The following SLC30A7 variants were observed in gnomAD, a reference collection of about 807,000 sequenced individuals.
The protein encoded by SLC30A7 is zinc transporter 7.
SLC30A7 carries 35 observed loss-of-function variants against 46.0 expected under a neutral mutation model. The ratio of observed to expected loss-of-function variants is 0.76; its 90% CI spans 0.58 to 1.01. The LOEUF is 1.01. SLC30A7 is among the 50% of genes least tolerant of loss of function. The probability of loss-of-function intolerance (pLI) is 0.00; values close to 1 mark genes in which losing one functional copy is unlikely to be tolerated. For synonymous variants in SLC30A7, 147 were observed against 157.8 expected (o/e 0.93, Z 0.51); for missense variants, 464 against 451.1 (o/e 1.03, Z -0.26).
intron 2 of SLC30A7, among the ~76,000 whole-genome samples, chr1:100,899,211 C>T (rs963289110): frequency 6.6e-6 from 1 of 152,130 alleles, no homozygotes; most frequent in Non-Finnish European, 1.5e-5. Context: ...CTTATGCAGG[C>T]ACTTCAGTAC....
chr1:100,912,280 G>A (rs749919909), intron 5 of SLC30A7, 42 bp downstream of exon 5: 3 of 1,595,158 alleles, frequency 1.9e-6, no homozygotes, highest in South Asian at 2.3e-5. Flanking sequence ...TTTCTACTAG[G>A]TTTCTGTCAT....
chr1:100,959,925 G>A (rs765694444), intron 8 of SLC30A7, among the ~76,000 whole-genome samples: 3 of 152,040 alleles, frequency 2.0e-5, no homozygotes, highest in Non-Finnish European at 2.9e-5. Context: ...TAAAAGATAC[G>A]GATATTATTG....
At chr1:100,943,980 C>T (rs923420697) in intron 8 of SLC30A7, among the ~76,000 whole-genome samples, 1 of 152,152 alleles carries the variant, frequency 6.6e-6, no homozygotes, top group Non-Finnish European at 1.5e-5. Flanking sequence ...AAGAATAAAT[C>T]AAAAGCAAAT....
intron 8 of SLC30A7, among the ~76,000 whole-genome samples, chr1:100,924,176 G>A (rs1423966370): frequency 1.3e-5 from 2 of 152,090 alleles, no homozygotes; most frequent in Non-Finnish European, 2.9e-5. Context: ...ATATTTTAAT[G>A]ACTCTTACCC....
rs551164136 is a variant in SLC30A7 at position 100,942,447 on chromosome 1, A to G, written c.843-19381A>G. Among the ~76,000 whole-genome samples the G allele has an allele frequency of 1.3e-3, 204 of 152,258 alleles. 1 individual carries two copies. The highest frequency in any genetic ancestry group is 4.5e-3 in the African/African-American group (189 of 41,554). On this transcript the variant is annotated intron_variant, in intron 8 of 10. Transcript: ENST00000357650. Reference sequence around the variant, plus strand: ...GCCATCTCTATGGAAAAAACACTCAAAGTGCTTTTTCTGTTCTCTCACCCA... The same window carrying G: ...GCCATCTCTATGGAAAAAACACTCAGAGTGCTTTTTCTGTTCTCTCACCCA...
the SLC30A7 span, chr1:100,990,249 T>C: frequency 4.6e-5 from 30 of 650,374 alleles, no homozygotes; most frequent in African/African-American, 3.6e-4. Flanking sequence ...ATCATGAGAA[T>C]AGCATGAGGG....
intron 3 of SLC30A7, among the ~76,000 whole-genome samples, chr1:100,909,815 C>T (rs1196896524): frequency 1.3e-5 from 2 of 152,052 alleles, no homozygotes; most frequent in African/African-American, 2.4e-5. Context: ...AAAAGGTTTT[C>T]AGTCAAGCAT....
At chr1:100,932,127 C>T (rs892613916) in intron 8 of SLC30A7, among the ~76,000 whole-genome samples, 2 of 152,062 alleles carry the variant, frequency 1.3e-5, no homozygotes, top group African/African-American at 4.8e-5. Context: ...TAAAAAACTG[C>T]TTAATGGCTG....
At chr1:100,972,065 T>C (rs1435765615) in intron 10 of SLC30A7, among the ~76,000 whole-genome samples, 4 of 152,172 alleles carry the variant, frequency 2.6e-5, no homozygotes, top group Non-Finnish European at 5.9e-5. Context: ...GTGAGTACTA[T>C]ATGGTTTTCA....
intron 8 of SLC30A7, among the ~76,000 whole-genome samples, chr1:100,931,687 T>A (rs1653673579): frequency 6.6e-6 from 1 of 152,208 alleles, no homozygotes; most frequent in Admixed American, 6.5e-5. Flanking sequence ...ACAGCCAACT[T>A]AAAAATACCT....
chr1:100,993,550 G>A, the SLC30A7 span, among the ~76,000 whole-genome samples: 4 of 45,590 alleles, frequency 8.8e-5, no homozygotes, highest in South Asian at 9.7e-4. Flanking sequence ...AGACTCTGTC[G>A]AAAATATAAA....
intron 8 of SLC30A7, among the ~76,000 whole-genome samples, chr1:100,950,769 C>G (rs879401677): frequency 1.3e-5 from 2 of 152,192 alleles, no homozygotes; most frequent in Non-Finnish European, 2.9e-5. Flanking sequence ...AAAGCACTCA[C>G]TATGTTGATG....
At chr1:100,987,925 T>G in the SLC30A7 span, among the ~76,000 whole-genome samples, 6 of 152,140 alleles carry the variant, frequency 3.9e-5, no homozygotes, top group African/African-American at 1.2e-4. Context: ...ACATGGCCAT[T>G]CTGGGGTTTG....
intron 8 of SLC30A7, among the ~76,000 whole-genome samples, chr1:100,958,227 A>G (rs1655335882): frequency 6.6e-6 from 1 of 151,688 alleles, no homozygotes; most frequent in Non-Finnish European, 1.5e-5. Context: ...CCCAGGCTGG[A>G]GTGCAGTGGC....
intron 8 of SLC30A7, among the ~76,000 whole-genome samples, chr1:100,954,864 C>T (rs2101075766): frequency 6.6e-6 from 1 of 152,070 alleles, no homozygotes; most frequent in East Asian, 1.9e-4. Context: ...CCATTATGGG[C>T]CAGTTTTCTT....
intron 2 of SLC30A7, among the ~76,000 whole-genome samples, chr1:100,905,134 C>A (rs1172809862): frequency 6.6e-6 from 1 of 151,960 alleles, no homozygotes; most frequent in Admixed American, 6.6e-5. Flanking sequence ...TACAATAATA[C>A]ACTTTGATTT....
chr1:100,950,081 C>T (rs1396816420), intron 8 of SLC30A7, among the ~76,000 whole-genome samples: 1 of 152,198 alleles, frequency 6.6e-6, no homozygotes, highest in Non-Finnish European at 1.5e-5. Flanking sequence ...GCAGGAATCA[C>T]CCGTCTTCTG....
rs1222246353 is a variant in SLC30A7 at position 100,979,850 on chromosome 1, C to T, written c.*4993C>T. The T allele has an allele frequency of 6.6e-6, 1 of 152,108 alleles. No homozygotes were observed. The highest frequency in any genetic ancestry group is 1.5e-5 in the Non-Finnish European group (1 of 67,986). 9.4% of individuals were successfully genotyped at this position (152,108 alleles called of 1,614,324 possible). ...TAATCAGGTGCTGACATCTGCTCTGCTTTGTGTATGTAATTCAGCAGTGCT... is the reference window on the plus strand; with the variant it reads ...TAATCAGGTGCTGACATCTGCTCTGTTTTGTGTATGTAATTCAGCAGTGCT... On this transcript the variant is annotated 3_prime_UTR_variant, in exon 11 of 11. Transcript: ENST00000357650.
chr1:100,903,350 CAT>C (rs1219658391), intron 2 of SLC30A7, among the ~76,000 whole-genome samples: 10 of 152,058 alleles, frequency 6.6e-5, no homozygotes, highest in African/African-American at 1.9e-4. Flanking sequence ...AAATTCTTCA[CAT>C]GAGTCTTTCA....
Sources: allele counts gnomAD v4.1 joint callset (sites outside exome capture counted in the v4.1 genomes callset), GRCh38; gene constraint gnomAD v4.1.1; transcripts MANE v1.5; gene names NCBI Gene and HGNC (gene_info 2026-07-23, HGNC 2026-07-21).